The following SYT10 variants were observed in gnomAD, a reference collection of about 807,000 sequenced individuals.
SYT10 encodes the protein synaptotagmin-10.
A neutral mutation model predicts 51.1 loss-of-function variants in SYT10; 31 were observed. The observed-to-expected ratio is 0.61, with a 90% confidence interval of 0.46 to 0.82. SYT10 has a LOEUF of 0.82. Among genes scored for constraint, SYT10 ranks in the 40% least tolerant of loss-of-function variants. The pLI, the probability that SYT10 is intolerant of heterozygous loss-of-function variation, is 0.00. For missense variants in SYT10, 603 were observed against 634.0 expected (o/e 0.95, Z 0.53); for synonymous variants, 233 against 225.9 (o/e 1.03, Z -0.28).
At position 33,385,307 on chromosome 12, in the gene SYT10, G is replaced by A. The variant is rs1347558556; in HGVS notation, c.1078-16C>T. 1 of 1,611,042 alleles carries A rather than the reference G, an allele frequency of 6.2e-7. No homozygotes were observed. Among genetic ancestry groups the A allele is most frequent in the Admixed American group, 1.7e-5 (1 of 59,582 alleles). On this transcript the variant is annotated splice_polypyrimidine_tract_variant and intron_variant, in intron 3 of 6. Transcript: ENST00000228567. Reference sequence around the variant, plus strand: ...CTATACTTTCCTAGAAAGGCAATCGGCATGTTAGCAATTTCAAACATTGAA... The same window carrying A: ...CTATACTTTCCTAGAAAGGCAATCGACATGTTAGCAATTTCAAACATTGAA...
chr12:33,405,519 T>G (rs1296845639), intron 3 of SYT10: 6 of 152,106 alleles, frequency 3.9e-5, no homozygotes, highest in Admixed American at 3.9e-4. Context: ...ACTGGCAGTA[T>G]AAATTTTTAA....
At chr12:33,419,487 C>T (rs190775675) in intron 2 of SYT10, among the ~76,000 whole-genome samples, 9 of 151,924 alleles carry the variant, frequency 5.9e-5, no homozygotes, top group Admixed American at 3.9e-4. Flanking sequence ...AGCTAAAATC[C>T]CTTCAGTAAT....
chr12:33,423,580 G>A (rs1449197793), intron 2 of SYT10, among the ~76,000 whole-genome samples: 1 of 152,020 alleles, frequency 6.6e-6, no homozygotes, highest in Non-Finnish European at 1.5e-5. Context: ...TTTTCTGCAA[G>A]GAATTCATCC....
intron 3 of SYT10, among the ~76,000 whole-genome samples, chr12:33,389,136 C>A (rs12320327): frequency 6.6e-6 from 1 of 151,972 alleles, no homozygotes. Flanking sequence ...ATGGTCAGTA[C>A]GCATTGAGAA....
chr12:33,384,140 T>A (rs1866138938), intron 4 of SYT10, among the ~76,000 whole-genome samples: 1 of 152,168 alleles, frequency 6.6e-6, no homozygotes, highest in South Asian at 2.1e-4. Flanking sequence ...CTCATTTGTC[T>A]TCATCCCTCT....
chr12:33,388,447 T>C (rs1905417), intron 3 of SYT10, among the ~76,000 whole-genome samples: 10,933 of 152,268 alleles, frequency 0.072, 524 homozygotes, highest in Middle Eastern at 0.12. Flanking sequence ...GTCTCATTTT[T>C]CTACAATTTT....
intron 3 of SYT10, among the ~76,000 whole-genome samples, chr12:33,395,417 A>C (rs938917964): frequency 5.3e-5 from 8 of 152,222 alleles, no homozygotes; most frequent in Admixed American, 5.2e-4. Context: ...ACAACTTTTA[A>C]CAGTATCTTT....
chr12:33,407,428 T>C (rs1382553010), intron 2 of SYT10, 72 bp from the exon 3 acceptor site: 1 of 1,494,896 alleles, frequency 6.7e-7, no homozygotes, highest in Non-Finnish European at 9.0e-7. Context: ...CAGTGACATA[T>C]AAACTCTTCC....
chr12:33,392,321 G>C (rs1240417951), intron 3 of SYT10, among the ~76,000 whole-genome samples: 2 of 152,148 alleles, frequency 1.3e-5, no homozygotes, highest in African/African-American at 2.4e-5. Context: ...CAAATGGGAG[G>C]GAGGAAGAAG....
rs1174530141 is a variant in SYT10 at position 33,439,680 on chromosome 12, C to T, written c.-158G>A. The stretch of plus-strand genomic sequence containing the variant: ...GAGCCGGCAACTCTTAGGAGCCCCA[C>T]GTTGGCCCCATGGCGGGAGCGGAGG... On this transcript the variant is annotated 5_prime_UTR_variant, in exon 1 of 7. In the 5' UTR this introduces an upstream ATG that the reference lacks. Coordinates refer to ENST00000228567, the MANE Select transcript of SYT10 (RefSeq NM_198992.4). The T allele has an allele frequency of 6.8e-6, 6 of 878,788 alleles. No homozygotes were observed. 54.4% of individuals were successfully genotyped at this position (878,788 alleles called of 1,614,324 possible).
intron 2 of SYT10, among the ~76,000 whole-genome samples, chr12:33,417,305 G>C (rs1450102803): frequency 1.3e-5 from 2 of 151,936 alleles, no homozygotes; most frequent in African/African-American, 4.8e-5. Flanking sequence ...GGATGATCTC[G>C]GGAGTGGAGC....
chr12:33,408,794 T>C (rs1030569267), intron 2 of SYT10, among the ~76,000 whole-genome samples: 2 of 149,610 alleles, frequency 1.3e-5, no homozygotes, highest in Admixed American at 6.6e-5. Flanking sequence ...AATCGGTTCT[T>C]TATCCCACAA....
intron 5 of SYT10, 97 bp from the exon 6 acceptor site, chr12:33,380,058 T>TTCTG: frequency 7.4e-7 from 1 of 1,347,484 alleles, no homozygotes; most frequent in Non-Finnish European, 1.0e-6. Flanking sequence ...GATTAAAACA[T>TTCTG]TAGATTCTGT....
At chr12:33,430,441 A>T (rs1178043300) in intron 1 of SYT10, among the ~76,000 whole-genome samples, 2 of 152,148 alleles carry the variant, frequency 1.3e-5, no homozygotes, top group Non-Finnish European at 2.9e-5. Context: ...TGAAACTTAT[A>T]AATACTGCTA....
chr12:33,377,604 G>T (rs1386813239), intron 6 of SYT10, among the ~76,000 whole-genome samples: 1 of 149,512 alleles, frequency 6.7e-6, no homozygotes, highest in East Asian at 2.0e-4. Flanking sequence ...CTAGATAAAA[G>T]GAACCTGATT....
chr12:33,382,504 C>T lies in SYT10; in HGVS notation c.1215G>A (p.Val405=), dbSNP rs748353991. ...ITGSSDPYVK[V]SLMCEGRRLK... ...ATCTTCGACCTTCACACATCAGGGA[C>T]ACTTTGACATAAGGATCTAGGAATA... Residue 405 remains valine (V), a synonymous_variant, in exon 5 of 7, where the codon GTG becomes GTA. Coordinates refer to ENST00000228567, the MANE Select transcript of SYT10 (RefSeq NM_198992.4). 6.2e-7 allele frequency: 1 copy of T among 1,608,078 alleles called. No homozygotes were observed. Among genetic ancestry groups the T allele is most frequent in the Non-Finnish European group, 8.5e-7 (1 of 1,177,704 alleles).
intron 3 of SYT10, among the ~76,000 whole-genome samples, chr12:33,401,410 T>C (rs1275388519): frequency 3.3e-5 from 5 of 152,172 alleles, no homozygotes; most frequent in African/African-American, 1.2e-4. Flanking sequence ...GTAGGGTGAT[T>C]GCTAAAGTGA....
chr12:33,377,016 A>G (rs1866068837), intron 6 of SYT10, 115 bp from the exon 7 acceptor site: 12 of 1,065,364 alleles, frequency 1.1e-5, no homozygotes, highest in Middle Eastern at 2.9e-4. Context: ...TCTCTGAAGA[A>G]AGGAAATACA....
At chr12:33,383,097 G>C (rs1321171425) in intron 4 of SYT10, among the ~76,000 whole-genome samples, 1 of 152,110 alleles carries the variant, frequency 6.6e-6, no homozygotes, top group African/African-American at 2.4e-5. Context: ...CAGCTGACTT[G>C]ACATCTATCC....
Sources: allele counts gnomAD v4.1 joint callset (sites outside exome capture counted in the v4.1 genomes callset), GRCh38; gene constraint gnomAD v4.1.1; transcripts MANE v1.5; gene names NCBI Gene and HGNC (gene_info 2026-07-23, HGNC 2026-07-21).